Variants in EPS15 observed in about 807,000 individuals in gnomAD.
EPS15 encodes the protein epidermal growth factor receptor substrate 15.
A neutral mutation model predicts 113.8 loss-of-function variants in EPS15; 72 were observed. The ratio of observed to expected loss-of-function variants is 0.63; its 90% confidence interval spans 0.52 to 0.77. The LOEUF (loss-of-function observed/expected upper bound fraction) is 0.77. EPS15 is among the 30% of genes least tolerant of loss of function. The pLI is 0.00. For missense variants in EPS15, 1,048 were observed against 1,045.8 expected, an observed-to-expected ratio of 1.00 and a Z score of -0.03; for synonymous variants, 344 against 363.4, an observed-to-expected ratio of 0.95 and a Z score of 0.61.
chr1:51,357,420 A>T (rs1475954932), intron 24 of EPS15, among the ~76,000 whole-genome samples: 2 of 68,782 alleles, frequency 2.9e-5, no homozygotes, highest in East Asian at 5.6e-4. Context: ...ATATATATAT[A>T]TATATATTTT....
intron 4 of EPS15, among the ~76,000 whole-genome samples, chr1:51,470,955 T>C (rs1340824983): frequency 6.6e-6 from 1 of 152,082 alleles, no homozygotes; most frequent in Non-Finnish European, 1.5e-5. Context: ...TACACCAAAG[T>C]AGCCCTTCTA....
chr1:51,447,991 AT>A, intron 9 of EPS15, 54 bp downstream of exon 9: 1 of 1,597,758 alleles, frequency 6.3e-7, no homozygotes, highest in Non-Finnish European at 8.5e-7. Context: ...GAGTGGTAAG[AT>A]TCCTTGGCTG....
chr1:51,370,348 G>C (rs1646616497), intron 21 of EPS15, among the ~76,000 whole-genome samples: 1 of 152,112 alleles, frequency 6.6e-6, no homozygotes, highest in South Asian at 2.1e-4. Context: ...TTGGATTTCA[G>C]ATTTTTGCAG....
chr1:51,488,486 A>AAAAAAAAAAC (rs1553135700), intron 1 of EPS15, among the ~76,000 whole-genome samples: 5 of 150,566 alleles, frequency 3.3e-5, no homozygotes, highest in Non-Finnish European at 7.4e-5. Flanking sequence ...AAAAAAAAAA[A>AAAAAAAAAAC]AAAAAAAAAA....
At chr1:51,502,899 G>A (rs944264864) in intron 1 of EPS15, among the ~76,000 whole-genome samples, 8 of 151,470 alleles carry the variant, frequency 5.3e-5, no homozygotes, top group African/African-American at 7.3e-5. Context: ...CCAACTACTC[G>A]GGAGGCTGAT....
intron 21 of EPS15, among the ~76,000 whole-genome samples, chr1:51,390,690 T>C (rs1351640779): frequency 6.6e-6 from 1 of 151,762 alleles, no homozygotes; most frequent in African/African-American, 2.4e-5. Flanking sequence ...AAGACATTTA[T>C]GCAGCCAACA....
At chr1:51,505,152 T>C (rs750016827) in intron 1 of EPS15, among the ~76,000 whole-genome samples, 1 of 151,792 alleles carries the variant, frequency 6.6e-6, no homozygotes, top group Non-Finnish European at 1.5e-5. Flanking sequence ...CTTCAAATGA[T>C]TAAACACAGA....
intron 21 of EPS15, among the ~76,000 whole-genome samples, chr1:51,379,026 T>C (rs1472280996): frequency 6.6e-6 from 1 of 152,210 alleles, no homozygotes; most frequent in Non-Finnish European, 1.5e-5. Context: ...TATGCTGAGT[T>C]ACATTATAAT....
intron 21 of EPS15, among the ~76,000 whole-genome samples, chr1:51,389,302 A>G (rs1276497787): frequency 2.0e-5 from 3 of 152,238 alleles, no homozygotes; most frequent in Admixed American, 1.3e-4. Context: ...TAAATTAGGT[A>G]TTGATGGGAC....
rs757090466 is a variant in EPS15 at position 51,465,329 on chromosome 1, A to G, written c.310-3T>C. 13 of 1,602,456 alleles carry G rather than the reference A, an allele frequency of 8.1e-6. No homozygotes were observed. The Admixed American group carries it at 2.0e-4, about 25-fold the overall frequency. The stretch of plus-strand genomic sequence containing the variant: ...AGCAAAGGACTACTGGTATCATGCT[A>G]TAGAAGAAAGTAAAGCACAACAAGA... On this transcript the variant is annotated splice_region_variant and splice_polypyrimidine_tract_variant and intron_variant, in intron 5 of 24. Transcript: ENST00000371733.
intron 18 of EPS15, among the ~76,000 whole-genome samples, chr1:51,402,157 T>C (rs1312013119): frequency 1.3e-5 from 2 of 151,208 alleles, no homozygotes; most frequent in East Asian, 3.9e-4. Context: ...ATTACATAAA[T>C]AAATAAATAC....
intron 8 of EPS15, among the ~76,000 whole-genome samples, chr1:51,451,089 A>C (rs1653505900): frequency 6.6e-6 from 1 of 151,928 alleles, no homozygotes; most frequent in Non-Finnish European, 1.5e-5. Flanking sequence ...ATCCAAGATA[A>C]ACTGTTAACT....
chr1:51,396,458 G>T (rs1252455497), intron 20 of EPS15, among the ~76,000 whole-genome samples: 2 of 152,150 alleles, frequency 1.3e-5, no homozygotes, highest in Non-Finnish European at 2.9e-5. Flanking sequence ...GTGCTGACAT[G>T]ATACTCAGGA....
chr1:51,416,970 G>A (rs972601025), intron 13 of EPS15, among the ~76,000 whole-genome samples: 1 of 151,866 alleles, frequency 6.6e-6, no homozygotes, highest in Non-Finnish European at 1.5e-5. Context: ...CATTAAAAAT[G>A]TATCAACTAT....
At chr1:51,493,137 G>A (rs112576034) in intron 1 of EPS15, among the ~76,000 whole-genome samples, 4,589 of 152,290 alleles carry the variant, frequency 0.03, 77 homozygotes, top group African/African-American at 0.05. Flanking sequence ...CAAGGCGGGC[G>A]AATCATGAGG....
chr1:51,391,028 A>G (rs1002705613), intron 21 of EPS15, among the ~76,000 whole-genome samples: 10 of 152,202 alleles, frequency 6.6e-5, no homozygotes, highest in East Asian at 1.9e-4. Flanking sequence ...TATTTATTGC[A>G]GCACTATTCA....
intron 12 of EPS15, among the ~76,000 whole-genome samples, chr1:51,432,428 A>G (rs1651814936): frequency 2.0e-5 from 3 of 152,088 alleles, no homozygotes; most frequent in Admixed American, 6.6e-5. Context: ...TTGGCCTCCC[A>G]AAGTCCTGGG....
At chr1:51,425,157 C>G (rs1333323767) in intron 12 of EPS15, among the ~76,000 whole-genome samples, 5 of 152,164 alleles carry the variant, frequency 3.3e-5, no homozygotes, top group African/African-American at 1.2e-4. Flanking sequence ...CCCTGGTATT[C>G]CAAAGGCTCA....
chr1:51,480,816 T>C (rs1479558217), intron 2 of EPS15, among the ~76,000 whole-genome samples: 3 of 152,158 alleles, frequency 2.0e-5, no homozygotes, highest in Admixed American at 6.6e-5. Flanking sequence ...CCGGCCATAT[T>C]CCCATTTTTA....
Sources: gnomAD v4.1 joint callset for allele counts (sites outside exome capture counted in the v4.1 genomes callset) on GRCh38, gnomAD v4.1.1 for gene constraint, MANE v1.5 for transcripts, NCBI Gene and HGNC (gene_info 2026-07-23, HGNC 2026-07-21) for gene names.